The following GRB10 variants were observed in gnomAD, a reference collection of about 807,000 sequenced individuals.
The protein encoded by GRB10 is growth factor receptor-bound protein 10.
GRB10 carries 20 observed loss-of-function variants against 80.9 expected under a neutral mutation model. That is an observed-to-expected ratio of 0.25 (90% confidence interval 0.17 to 0.36). The LOEUF is 0.36. Among genes scored for constraint, GRB10 ranks in the 10% least tolerant of loss-of-function variants. The pLI, the probability that GRB10 is intolerant of heterozygous loss-of-function variation, is 1.00. For synonymous variants in GRB10, 291 were observed against 291.5 expected, an observed-to-expected ratio of 1.00 and a Z score of 0.02; for missense variants, 548 against 747.7, an observed-to-expected ratio of 0.73 and a Z score of 3.12.
At chr7:50,609,678 A>T (rs1185981033) in intron 13 of GRB10, among the ~76,000 whole-genome samples, 1 of 152,238 alleles carries the variant, frequency 6.6e-6, no homozygotes, top group Admixed American at 6.5e-5. Context: ...CCTCTTGGGG[A>T]TGAGTTTCTA....
At chr7:50,734,588 T>C (rs967625876) in intron 3 of GRB10, among the ~76,000 whole-genome samples, 92 of 152,370 alleles carry the variant, frequency 6.0e-4, no homozygotes, top group African/African-American at 2.1e-3. Context: ...TATAGAAATA[T>C]GTTCTTATTT....
At chr7:50,601,554 T>C (rs1474446867) in intron 17 of GRB10, among the ~76,000 whole-genome samples, 1 of 152,210 alleles carries the variant, frequency 6.6e-6, no homozygotes, top group African/African-American at 2.4e-5. Flanking sequence ...AATTCAGGTG[T>C]CTTACTGAAT....
At chr7:50,599,171 TG>T (rs1197812684) in intron 17 of GRB10, among the ~76,000 whole-genome samples, 1 of 146,420 alleles carries the variant, frequency 6.8e-6, no homozygotes, top group Non-Finnish European at 1.5e-5. Flanking sequence ...CTCAGCTGCA[TG>T]GGTGGGGACG....
chr7:50,674,594 C>A lies in GRB10; in HGVS notation c.204G>T (p.Ser68=), dbSNP rs200939757. The change falls in exon 6 of 19, where the codon TCG becomes TCT. Residue 68 remains serine (S), a synonymous_variant. Coordinates refer to ENST00000401949, the MANE Select transcript of GRB10 (RefSeq NM_001350814.2). The part of the protein sequence containing the change: ...DMNASLESLY[S]ACSMQSDTVP... Reference sequence around the variant, plus strand: ...CCGTGTCTGACTGCATGCTGCAGGCCGAGTACAGGCTCTCCAGGGATGCAT... The same window carrying A: ...CCGTGTCTGACTGCATGCTGCAGGCAGAGTACAGGCTCTCCAGGGATGCAT... The A allele has an allele frequency of 5.6e-6, 9 of 1,613,546 alleles. No homozygotes were observed.
chr7:50,770,531 C>A (rs900477398), intron 2 of GRB10, among the ~76,000 whole-genome samples: 3 of 152,202 alleles, frequency 2.0e-5, no homozygotes, highest in Non-Finnish European at 4.4e-5. Context: ...AGTGACCTCA[C>A]CCCTATGGCA....
chr7:50,745,029 T>TTTTATGCATTC (rs1334511382), intron 3 of GRB10, among the ~76,000 whole-genome samples: 10 of 152,242 alleles, frequency 6.6e-5, no homozygotes, highest in African/African-American at 2.4e-4. Flanking sequence ...CCTAGTCTTC[T>TTTTATGCATTC]ACATATATTT....
At chr7:50,620,937 T>C (rs545369155) in intron 8 of GRB10, among the ~76,000 whole-genome samples, 1 of 152,254 alleles carries the variant, frequency 6.6e-6, no homozygotes, top group South Asian at 2.1e-4. Flanking sequence ...AAACCAACAA[T>C]CTAATAACCT....
At chr7:50,727,358 G>A (rs1389034388) in intron 4 of GRB10, among the ~76,000 whole-genome samples, 3 of 152,156 alleles carry the variant, frequency 2.0e-5, no homozygotes, top group African/African-American at 7.2e-5. Context: ...CTCCCTCCAG[G>A]GCTGGGAGCT....
chr7:50,645,364 T>TCAGTACTA (rs1450743391), intron 7 of GRB10, among the ~76,000 whole-genome samples: 2 of 152,120 alleles, frequency 1.3e-5, no homozygotes, highest in African/African-American at 2.4e-5. Context: ...TGCTACTTTT[T>TCAGTACTA]CAGTACTAAA....
At chr7:50,744,710 G>A (rs1237540592) in intron 3 of GRB10, among the ~76,000 whole-genome samples, 1 of 152,138 alleles carries the variant, frequency 6.6e-6, no homozygotes, top group Non-Finnish European at 1.5e-5. Context: ...TTAATGCAAT[G>A]AGCAATTTAC....
chr7:50,716,769 T>C (rs2066934786), intron 4 of GRB10, among the ~76,000 whole-genome samples: 1 of 152,202 alleles, frequency 6.6e-6, no homozygotes, highest in African/African-American at 2.4e-5. Context: ...AAAGACACAC[T>C]GTGAGGCTCC....
intron 1 of GRB10, among the ~76,000 whole-genome samples, chr7:50,790,326 C>A (rs2078857829): frequency 6.6e-6 from 1 of 152,186 alleles, no homozygotes; most frequent in African/African-American, 2.4e-5. Context: ...ACCTTAATTT[C>A]TTCCATAATC....
intron 15 of GRB10, 85 bp from the exon 16 acceptor site, chr7:50,604,462 C>T: frequency 8.6e-7 from 1 of 1,159,862 alleles, no homozygotes; most frequent in South Asian, 1.2e-5. Flanking sequence ...TGGCAGGCCA[C>T]TGGGTGGGGT....
At chr7:50,637,038 G>C (rs190955272) in intron 7 of GRB10, among the ~76,000 whole-genome samples, 3 of 152,132 alleles carry the variant, frequency 2.0e-5, no homozygotes, top group African/African-American at 7.2e-5. Context: ...ATGCAGTGGC[G>C]TGATCTCAGC....
intron 3 of GRB10, among the ~76,000 whole-genome samples, chr7:50,744,704 T>C (rs1211890701): frequency 3.9e-5 from 6 of 152,202 alleles, no homozygotes; most frequent in Non-Finnish European, 1.5e-5. Context: ...CACTTTTTAA[T>C]GCAATGAGCA....
chr7:50,666,570 A>G (rs1016089500), intron 7 of GRB10, among the ~76,000 whole-genome samples: 4 of 152,186 alleles, frequency 2.6e-5, no homozygotes, highest in African/African-American at 9.7e-5. Context: ...CAAATGCTGC[A>G]GTGAGACCAC....
At chr7:50,688,505 G>C (rs571317505) in intron 5 of GRB10, among the ~76,000 whole-genome samples, 13 of 152,158 alleles carry the variant, frequency 8.5e-5, no homozygotes, top group Non-Finnish European at 1.8e-4. Flanking sequence ...ATCATTCCTG[G>C]CTAGGGGCAG....
chr7:50,606,119 C>G (rs117896224), intron 14 of GRB10, among the ~76,000 whole-genome samples: 1 of 152,152 alleles, frequency 6.6e-6, no homozygotes, highest in Non-Finnish European at 1.5e-5. Flanking sequence ...AGGGGAGATG[C>G]AGGGACGGGA....
At chr7:50,665,313 C>T (rs1434754111) in intron 7 of GRB10, among the ~76,000 whole-genome samples, 1 of 152,230 alleles carries the variant, frequency 6.6e-6, no homozygotes, top group African/African-American at 2.4e-5. Context: ...TAGACTCTGG[C>T]TTAAATATTA....
Sources: allele counts gnomAD v4.1 joint callset (sites outside exome capture counted in the v4.1 genomes callset), GRCh38; gene constraint gnomAD v4.1.1; transcripts MANE v1.5; gene names NCBI Gene and HGNC (gene_info 2026-07-23, HGNC 2026-07-21).